Variants in HDAC4 observed in about 807,000 individuals in gnomAD.
HDAC4 encodes the protein histone deacetylase A.
HDAC4 carries 16 observed loss-of-function variants against 135.1 expected under a neutral mutation model. The observed-to-expected ratio is 0.12, with a 90% CI of 0.08 to 0.18. The LOEUF is 0.18. Ranked by LOEUF, HDAC4 falls within the 10% of genes least tolerant of loss-of-function variation. The pLI is 1.00. For missense variants in HDAC4, 1,143 were observed against 1,511.8 expected, an observed-to-expected ratio of 0.76 and a Z score of 4.05; for synonymous variants, 685 against 653.4, an observed-to-expected ratio of 1.05 and a Z score of -0.74.
rs903822555 is a variant in HDAC4 at position 239,080,814 on chromosome 2, C to G, written c.2750+281G>C. ...GAACATAACACTCTGCACAAAAGTC[C>G]CTGCCTCTGTCTCCATCACTCTCTC... On this transcript the variant is annotated intron_variant, in intron 22 of 26. Transcript: ENST00000543185. The G allele has an allele frequency of 1.6e-5, 8 of 514,666 alleles. No homozygotes were observed. In the East Asian group the frequency reaches 2.2e-4, roughly 14 times the overall value. 31.9% of individuals were successfully genotyped at this position (514,666 alleles called of 1,614,324 possible).
chr2:239,322,802 C>T (rs1157297427), intron 2 of HDAC4, among the ~76,000 whole-genome samples: 1 of 152,126 alleles, frequency 6.6e-6, no homozygotes, highest in Non-Finnish European at 1.5e-5. Flanking sequence ...CACCCGGGGC[C>T]CCACTCCTGG....
rs371681422 is a variant in HDAC4, at chr2:239,388,112, G to A, written c.-220+12866C>T. ...GGCTGGGCAGGTCCTCCCTGAAGCCGAGGGAGGCAGCGAGTTCATTCACCT... is the reference window on the plus strand; with the variant it reads ...GGCTGGGCAGGTCCTCCCTGAAGCCAAGGGAGGCAGCGAGTTCATTCACCT... On this transcript the variant is annotated intron_variant, in intron 1 of 26. Coordinates refer to ENST00000543185, the MANE Select transcript of HDAC4 (RefSeq NM_001378414.1). Among the ~76,000 whole-genome samples, 22 of 152,300 alleles carry A rather than the reference G, an allele frequency of 1.4e-4. No individual in the cohort carries two copies. In the East Asian group the frequency reaches 2.1e-3, roughly 15 times the overall value.
In HDAC4 at chr2:239,299,600, T is replaced by C. The variant is rs920070233; in HGVS notation, c.22+53078A>G. Among the ~76,000 whole-genome samples the C allele has an allele frequency of 2.6e-5, 4 of 152,234 alleles. No homozygotes were observed. Among genetic ancestry groups the C allele is most frequent in the Non-Finnish European group, 1.5e-5 (1 of 68,044 alleles). ...GTTTAACAGACTAAGGGCCAACATT[T>C]GCTTACTGGCTAAGTGATTTTCAAT... is the stretch of plus-strand genomic sequence containing the variant. On this transcript the variant is annotated intron_variant, in intron 2 of 26. Coordinates refer to ENST00000543185, the MANE Select transcript of HDAC4 (RefSeq NM_001378414.1). The surrounding 1 kb of genome is among the most constrained non-coding windows in gnomAD (Gnocchi z 4.0).
At chr2:239,230,128 C>T (rs1219269981) in intron 3 of HDAC4, among the ~76,000 whole-genome samples, 1 of 152,010 alleles carries the variant, frequency 6.6e-6, no homozygotes, top group Non-Finnish European at 1.5e-5. Context: ...TAACGCTGGT[C>T]AGCTGGGCCT....
chr2:239,088,750 CG>C (rs1281826993), intron 18 of HDAC4, among the ~76,000 whole-genome samples: 1 of 152,168 alleles, frequency 6.6e-6, no homozygotes, highest in Non-Finnish European at 1.5e-5. Context: ...GGGAAGGAAG[CG>C]TGAGAAACTG....
intron 11 of HDAC4, among the ~76,000 whole-genome samples, chr2:239,132,009 C>T (rs1559486642): frequency 6.6e-6 from 1 of 152,062 alleles, no homozygotes. Flanking sequence ...GCAATCCCAG[C>T]GGGTTCCAAA....
chr2:239,076,978 T>A (rs991030240), intron 22 of HDAC4, among the ~76,000 whole-genome samples: 1 of 151,758 alleles, frequency 6.6e-6, no homozygotes, highest in African/African-American at 2.4e-5. Context: ...CAATCCCATC[T>A]CACTTCAACC....
intron 2 of HDAC4, among the ~76,000 whole-genome samples, chr2:239,268,284 C>T (rs1411865528): frequency 7.0e-6 from 1 of 143,724 alleles, no homozygotes; most frequent in African/African-American, 2.4e-5. Context: ...GCGGGCCAGG[C>T]CCCACTGACA....
At chr2:239,317,306 G>A (rs932849943) in intron 2 of HDAC4, among the ~76,000 whole-genome samples, 1 of 151,800 alleles carries the variant, frequency 6.6e-6, no homozygotes, top group African/African-American at 2.4e-5. Flanking sequence ...CATGTGTGTG[G>A]GTGGGGCCGG....
At chr2:239,236,489 T>A (rs939301148) in intron 3 of HDAC4, 104 bp downstream of exon 3, 2 of 889,778 alleles carry the variant, frequency 2.2e-6, no homozygotes, top group Non-Finnish European at 3.6e-6. Flanking sequence ...ACCCCACACC[T>A]CCCCCCTCGC....
intron 3 of HDAC4, among the ~76,000 whole-genome samples, chr2:239,207,167 C>T (rs1347888192): frequency 6.6e-6 from 1 of 151,646 alleles, no homozygotes; most frequent in Non-Finnish European, 1.5e-5. Context: ...TATCTATGGG[C>T]CAAAGAAGAA....
chr2:239,345,626 G>A (rs1479544499), intron 2 of HDAC4, among the ~76,000 whole-genome samples: 1 of 145,920 alleles, frequency 6.9e-6, no homozygotes, highest in Non-Finnish European at 1.5e-5. Context: ...CACACACCCT[G>A]TGTAAAACAA....
intron 2 of HDAC4, among the ~76,000 whole-genome samples, chr2:239,283,463 G>A (rs987018255): frequency 9.9e-5 from 15 of 152,164 alleles, no homozygotes; most frequent in Non-Finnish European, 1.5e-5. Flanking sequence ...AGCGAGTGTC[G>A]GGCTGGCCAC....
chr2:239,305,014 G>A (rs1211276809), intron 2 of HDAC4, among the ~76,000 whole-genome samples: 1 of 152,162 alleles, frequency 6.6e-6, no homozygotes, highest in Non-Finnish European at 1.5e-5. Flanking sequence ...CTTCCAGCCG[G>A]CCTGGGGCAT....
At chr2:239,253,919 G>A (rs1338713465) in intron 2 of HDAC4, among the ~76,000 whole-genome samples, 1 of 152,134 alleles carries the variant, frequency 6.6e-6, no homozygotes, top group Non-Finnish European at 1.5e-5. Flanking sequence ...CTGGAACTGA[G>A]ACCCTGTGTC....
At chr2:239,196,470 C>T (rs938306920) in intron 3 of HDAC4, among the ~76,000 whole-genome samples, 4 of 152,192 alleles carry the variant, frequency 2.6e-5, no homozygotes, top group African/African-American at 9.7e-5. Flanking sequence ...CCTGAAAACA[C>T]GTCCTTTGCT....
At chr2:239,229,141 C>T (rs1175478059) in intron 3 of HDAC4, among the ~76,000 whole-genome samples, 2 of 152,132 alleles carry the variant, frequency 1.3e-5, no homozygotes, top group Non-Finnish European at 2.9e-5. Flanking sequence ...CACAGTGAGA[C>T]TCTATGTCTC....
chr2:239,264,296 C>T (rs1394839343), intron 2 of HDAC4, among the ~76,000 whole-genome samples: 6 of 152,234 alleles, frequency 3.9e-5, no homozygotes, highest in East Asian at 1.9e-4. Context: ...CATTCAGCTT[C>T]GGTTTGCAAA....
rs534259931 is a variant in HDAC4 at position 239,093,098 on chromosome 2, C to T, written c.2280+1912G>A. Among the ~76,000 whole-genome samples, 353 of 152,258 alleles carry T rather than the reference C, an allele frequency of 2.3e-3. 2 individuals carry two copies. Among genetic ancestry groups the T allele is most frequent in the African/African-American group, 8.0e-3 (332 of 41,558 alleles). ...AGGCCAGGACTCCGCTGGGCGAGGC[C>T]GAGCAGGGACACCAGCTCCTCACCC... On this transcript the variant is annotated intron_variant, in intron 17 of 26. Transcript: ENST00000543185.
Sources: allele counts gnomAD v4.1 joint callset (sites outside exome capture counted in the v4.1 genomes callset), GRCh38; gene constraint gnomAD v4.1.1; non-coding constraint Gnocchi (gnomAD v3.1); transcripts MANE v1.5; gene names NCBI Gene and HGNC (gene_info 2026-07-23, HGNC 2026-07-21).